RBFOX1: variants seen among roughly 807,000 people sequenced by gnomAD.
The protein encoded by RBFOX1 is RNA binding protein fox-1 homolog 1.
In RBFOX1, 8 loss-of-function variants were observed where a neutral mutation model predicts 57.7. That is an observed-to-expected ratio of 0.14 (90% CI 0.08 to 0.25). The LOEUF (loss-of-function observed/expected upper bound fraction) is 0.25, where lower values mean the gene tolerates loss of function less well. Among genes scored for constraint, RBFOX1 ranks in the 10% least tolerant of loss-of-function variants. RBFOX1 has a pLI of 1.00. For missense variants in RBFOX1, 611 were observed against 548.5 expected (o/e 1.11, Z -1.14); for synonymous variants, 326 against 222.4 (o/e 1.47, Z -4.15).
chr16:7,437,689 C>T (rs1447196261), intron 4 of RBFOX1, among the ~76,000 whole-genome samples: 1 of 152,108 alleles, frequency 6.6e-6, no homozygotes, highest in African/African-American at 2.4e-5. Context: ...AAGCTGCCTT[C>T]TAAATATTTG....
At chr16:5,637,643 C>A (rs980426526) in intron 3 of RBFOX1, among the ~76,000 whole-genome samples, 1 of 152,148 alleles carries the variant, frequency 6.6e-6, no homozygotes, top group Non-Finnish European at 1.5e-5. Context: ...AAGGCCCTGA[C>A]ACCATTTGGG....
At chr16:6,663,197 T>G (rs965888780) in intron 3 of RBFOX1, among the ~76,000 whole-genome samples, 3 of 152,192 alleles carry the variant, frequency 2.0e-5, no homozygotes, top group Non-Finnish European at 2.9e-5. Context: ...AGAGACTGGA[T>G]AAGTCCTATC....
At chr16:5,790,585 C>T (rs1249868120) in intron 3 of RBFOX1, among the ~76,000 whole-genome samples, 4 of 151,616 alleles carry the variant, frequency 2.6e-5, no homozygotes, top group African/African-American at 9.7e-5. Context: ...TTGATGCTTA[C>T]AGGGTTTGGG....
chr16:5,678,644 G>A (rs1177864564), intron 3 of RBFOX1, among the ~76,000 whole-genome samples: 1 of 152,114 alleles, frequency 6.6e-6, no homozygotes. Context: ...TGCGGCGTAG[G>A]CAAGTGAGAA....
chr16:7,178,383 G>T (rs1052964746), intron 4 of RBFOX1, among the ~76,000 whole-genome samples: 1 of 152,190 alleles, frequency 6.6e-6, no homozygotes, highest in Non-Finnish European at 1.5e-5. Flanking sequence ...ATAGCTACTT[G>T]CAAGGACATG....
chr16:6,710,182 T>G (rs1568309242), intron 3 of RBFOX1, among the ~76,000 whole-genome samples: 1 of 152,164 alleles, frequency 6.6e-6, no homozygotes, highest in Non-Finnish European at 1.5e-5. Context: ...AGTTTCTAAT[T>G]TGGTTTAACT....
chr16:7,062,108 G>A (rs1035989272), intron 4 of RBFOX1, among the ~76,000 whole-genome samples: 1 of 151,992 alleles, frequency 6.6e-6, no homozygotes, highest in Non-Finnish European at 1.5e-5. Context: ...AGCAGGTCAG[G>A]AGATCGAGAC....
rs1008643940 is a variant in RBFOX1, at chr16:7,236,924, A to G, written c.27+184826A>G. On this transcript the variant is annotated intron_variant, in intron 4 of 15. Transcript: ENST00000550418. ...AGGATTTCTAGCAACATTACTATAAATGATCTGCCTGCCTCTGTGTTGTGG... is the reference window on the plus strand; with the variant it reads ...AGGATTTCTAGCAACATTACTATAAGTGATCTGCCTGCCTCTGTGTTGTGG... 3.9e-5 allele frequency among the ~76,000 whole-genome samples: 6 copies of G among 152,282 alleles called. No homozygotes were observed. In the South Asian group the frequency reaches 1.0e-3, roughly 26 times the overall value.
At chr16:5,763,119 C>G (rs1192332428) in intron 3 of RBFOX1, among the ~76,000 whole-genome samples, 1 of 152,156 alleles carries the variant, frequency 6.6e-6, no homozygotes, top group African/African-American at 2.4e-5. Context: ...GAAAGTAGAA[C>G]ATAAATGCGC....
At chr16:6,597,505 C>G (rs1331614922) in intron 2 of RBFOX1, among the ~76,000 whole-genome samples, 7 of 152,056 alleles carry the variant, frequency 4.6e-5, no homozygotes, top group African/African-American at 1.4e-4. Context: ...AACCCTGTCT[C>G]TACTAAAAAT....
intron 10 of RBFOX1, among the ~76,000 whole-genome samples, chr16:7,612,309 A>G (rs1472074379): frequency 2.2e-5 from 3 of 136,216 alleles, no homozygotes; most frequent in African/African-American, 8.4e-5. Flanking sequence ...TAACAGAGCG[A>G]GACTCCATCT....
At chr16:5,863,359 A>C (rs2057272047) in intron 3 of RBFOX1, among the ~76,000 whole-genome samples, 1 of 152,150 alleles carries the variant, frequency 6.6e-6, no homozygotes, top group South Asian at 2.1e-4. Context: ...CGCCTCAAAC[A>C]CGGCTCTAAT....
intron 3 of RBFOX1, among the ~76,000 whole-genome samples, chr16:6,945,183 A>T (rs1357841165): frequency 6.6e-6 from 1 of 152,192 alleles, no homozygotes; most frequent in Non-Finnish European, 1.5e-5. Flanking sequence ...CTGTGACCTC[A>T]GACTGCTTAG....
At position 6,856,180 on chromosome 16, in the gene RBFOX1, T is replaced by G. The variant is rs150441499; in HGVS notation, c.-15-195877T>G. Among the ~76,000 whole-genome samples the G allele has an allele frequency of 4.1e-4, 63 of 152,108 alleles. No individual in the cohort carries two copies. The East Asian group carries it at 0.012, about 30-fold the overall frequency. Reference sequence around the variant, plus strand: ...TCCTTGCTTCCTTTCCTTCCCTTCTTCAAATGTGTATTGAGAACCAGATAC... The same window carrying G: ...TCCTTGCTTCCTTTCCTTCCCTTCTGCAAATGTGTATTGAGAACCAGATAC... On this transcript the variant is annotated intron_variant, in intron 3 of 15. Transcript: ENST00000550418.
At chr16:6,003,415 C>A (rs2060635803) in intron 4 of RBFOX1, among the ~76,000 whole-genome samples, 1 of 152,138 alleles carries the variant, frequency 6.6e-6, no homozygotes, top group Non-Finnish European at 1.5e-5. Flanking sequence ...AATGCACCTG[C>A]TCCAAACAGT....
At chr16:7,231,125 C>G (rs980514704) in intron 4 of RBFOX1, among the ~76,000 whole-genome samples, 1 of 152,162 alleles carries the variant, frequency 6.6e-6, no homozygotes, top group Non-Finnish European at 1.5e-5. Context: ...TTGTTTGGAT[C>G]AGATAGGTTT....
intron 4 of RBFOX1, among the ~76,000 whole-genome samples, chr16:7,080,716 A>C (rs183783753): frequency 6.6e-6 from 1 of 152,298 alleles, no homozygotes; most frequent in South Asian, 2.1e-4. Context: ...TATGCTTCCC[A>C]TCACAGATGA....
At chr16:6,407,660 T>C (rs1433370286) in intron 2 of RBFOX1, among the ~76,000 whole-genome samples, 1 of 151,652 alleles carries the variant, frequency 6.6e-6, no homozygotes, top group Non-Finnish European at 1.5e-5. Flanking sequence ...TGACTTATAG[T>C]TCCCAGGAGA....
intron 3 of RBFOX1, among the ~76,000 whole-genome samples, chr16:7,041,019 G>T (rs756158437): frequency 6.6e-6 from 1 of 150,736 alleles, no homozygotes; most frequent in South Asian, 2.1e-4. Flanking sequence ...GGGTTCAAGC[G>T]ATTCTCCTGC....
Sources: allele counts gnomAD v4.1 joint callset (sites outside exome capture counted in the v4.1 genomes callset), GRCh38; gene constraint gnomAD v4.1.1; transcripts MANE v1.5; gene names NCBI Gene and HGNC (gene_info 2026-07-23, HGNC 2026-07-21).